The following LAMC1 variants were observed in gnomAD, a reference collection of about 807,000 sequenced individuals.
The protein encoded by LAMC1 is laminin subunit gamma 1.
In LAMC1, 38 loss-of-function variants were observed where a neutral mutation model predicts 173.6. That is an observed-to-expected ratio of 0.22 (90% CI 0.17 to 0.29). LAMC1 has a LOEUF of 0.29. LAMC1 is among the 10% of genes least tolerant of loss of function. LAMC1 has a pLI of 1.00. For missense variants in LAMC1, 1,824 were observed against 2,051.8 expected, an observed-to-expected ratio of 0.89 and a Z score of 2.14; for synonymous variants, 746 against 749.1, an observed-to-expected ratio of 1.00 and a Z score of 0.07.
chr1:183,121,224 G>T (rs1003447310), intron 11 of LAMC1, among the ~76,000 whole-genome samples: 39 of 151,234 alleles, frequency 2.6e-4, no homozygotes, highest in African/African-American at 8.7e-4. Context: ...TTCGAGACCA[G>T]CCTGGCCAAC....
intron 3 of LAMC1, among the ~76,000 whole-genome samples, chr1:183,108,866 G>A (rs1057021850): frequency 6.6e-6 from 1 of 152,204 alleles, no homozygotes; most frequent in Non-Finnish European, 1.5e-5. Flanking sequence ...TAGAAAAGAT[G>A]CCACATATCA....
At chr1:183,114,312 C>T (rs1403439699) in intron 4 of LAMC1, among the ~76,000 whole-genome samples, 1 of 152,178 alleles carries the variant, frequency 6.6e-6, no homozygotes, top group Non-Finnish European at 1.5e-5. Flanking sequence ...CTCAGGTGAT[C>T]TGCCTGCCTC....
chr1:183,123,232 A>T (rs1186147307), intron 13 of LAMC1, among the ~76,000 whole-genome samples: 1 of 152,150 alleles, frequency 6.6e-6, no homozygotes, highest in Middle Eastern at 3.2e-3. Flanking sequence ...AATCTTACTG[A>T]TGTTATCTCA....
At chr1:183,119,459 T>C (rs2102087816) in intron 11 of LAMC1, among the ~76,000 whole-genome samples, 1 of 152,318 alleles carries the variant, frequency 6.6e-6, no homozygotes. Context: ...CAATAATTTT[T>C]AAACTTGGAA....
intron 1 of LAMC1, among the ~76,000 whole-genome samples, chr1:183,052,403 G>A (rs1654453827): frequency 1.3e-5 from 2 of 151,708 alleles, no homozygotes; most frequent in Admixed American, 6.6e-5. Flanking sequence ...GCATGATCTC[G>A]GCTCAATGCA....
chr1:183,133,347 A>C, intron 21 of LAMC1, 59 bp from the exon 22 acceptor site: 1 of 1,464,816 alleles, frequency 6.8e-7, no homozygotes, highest in East Asian at 2.4e-5. Context: ...TAATCTGGTT[A>C]ACATTAAGAT....
Position 183,024,246 on chromosome 1 carries a change from C to G in LAMC1, c.418+112C>G, listed in dbSNP as rs111302764. On this transcript the variant is annotated intron_variant, in intron 1 of 27. Transcript: ENST00000258341. Reference sequence around the variant, plus strand: ...GCGCAGACGGCCGCGTGTTTGCTCTCTGTTCCCCGGCATGGGCCACACAGA... The same window carrying G: ...GCGCAGACGGCCGCGTGTTTGCTCTGTGTTCCCCGGCATGGGCCACACAGA... 0.023 allele frequency: 23,957 copies of G among 1,058,494 alleles called. 748 individuals are homozygous for G. The highest frequency in any genetic ancestry group is 0.12 in the African/African-American group (7,349 of 62,250). The allele number at this position is 1,058,494 out of a possible 1,614,324, so 65.6% of individuals were successfully genotyped here.
At chr1:183,130,605 C>G in intron 19 of LAMC1, 56 bp downstream of exon 19, 1 of 1,401,266 alleles carries the variant, frequency 7.1e-7, no homozygotes, top group Non-Finnish European at 1.0e-6. Flanking sequence ...GGGTTTGTAG[C>G]AAGTCTGTTA....
Position 183,125,246 on chromosome 1 carries a change from C to CA in LAMC1, c.2648-150dup. The CA allele has an allele frequency of 4.1e-6, 3 of 737,526 alleles. No individual in the cohort carries two copies. The South Asian group carries it at 5.1e-5, about 13-fold the overall frequency. The allele number at this position is 737,526 out of a possible 1,614,324, so 45.7% of individuals were successfully genotyped here. A position where few individuals can be genotyped will look rare whatever the true frequency, so the allele number is the denominator to read the frequency against. ...TTTATAGCACATCTCAATTCAGACT[C>CA]ACCAGCCACATTTAAAGTGCTCAGT... On this transcript the variant is annotated intron_variant, in intron 14 of 27. Transcript: ENST00000258341.
chr1:183,117,912 A>C (rs2102085636), intron 10 of LAMC1, 122 bp from the exon 11 acceptor site: 1 of 756,308 alleles, frequency 1.3e-6, no homozygotes, highest in African/African-American at 1.8e-5. Context: ...CAATAGTCTT[A>C]TTTTTTATTT....
chr1:183,133,003 C>T (rs180774920), intron 21 of LAMC1, among the ~76,000 whole-genome samples: 3,234 of 152,164 alleles, frequency 0.021, 48 homozygotes, highest in Middle Eastern at 0.041. Flanking sequence ...CTCTGCCTCC[C>T]GGGTTCAAGC....
chr1:183,122,926 A>G (rs548305756), intron 13 of LAMC1, among the ~76,000 whole-genome samples: 10 of 152,206 alleles, frequency 6.6e-5, no homozygotes, highest in African/African-American at 2.2e-4. Flanking sequence ...CCTGAGGCCC[A>G]GGGTATGGAG....
chr1:183,040,116 T>C (rs1166850050), intron 1 of LAMC1, among the ~76,000 whole-genome samples: 1 of 152,208 alleles, frequency 6.6e-6, no homozygotes, highest in East Asian at 1.9e-4. Context: ...CAACTGATGC[T>C]CTGAGTCAGC....
intron 1 of LAMC1, among the ~76,000 whole-genome samples, chr1:183,091,549 G>A (rs999381554): frequency 6.6e-6 from 1 of 151,614 alleles, no homozygotes; most frequent in Non-Finnish European, 1.5e-5. Flanking sequence ...CTGGCACTTC[G>A]TACTTAAGCC....
Position 183,142,535 on chromosome 1 carries a change from G to A in LAMC1, c.4575G>A (p.Gly1525=). ...SIINDLLEQL[G]QLDTVDLNKL... Reference sequence around the variant, plus strand: ...TCTATGTACTTTCTGACCCTCCAGGGCAGCTGGATACAGTGGACCTGAATA... The same window carrying A: ...TCTATGTACTTTCTGACCCTCCAGGACAGCTGGATACAGTGGACCTGAATA... Residue 1525 remains glycine (G), a splice_region_variant and synonymous_variant, in exon 28 of 28, where the codon GGG becomes GGA. Coordinates refer to ENST00000258341, the MANE Select transcript of LAMC1 (RefSeq NM_002293.4). 1.2e-6 allele frequency: 2 copies of A among 1,608,350 alleles called. No individual in the cohort carries two copies. Among genetic ancestry groups the A allele is most frequent in the Middle Eastern group, 1.7e-4 (1 of 6,014 alleles).
intron 15 of LAMC1, 123 bp downstream of exon 15, chr1:183,125,673 G>A: frequency 1.5e-6 from 1 of 680,410 alleles, no homozygotes; most frequent in Non-Finnish European, 2.4e-6. Flanking sequence ...TGTAGGCAAG[G>A]CATCCTTCAG....
At position 183,144,537 on chromosome 1, in the gene LAMC1, A is replaced by C. The variant is rs2102122047; in HGVS notation, c.*1747A>C. ...TAATTGCTTTCCTCCACACCCAGCC[A>C]CTGTAAAGAGGTAACTTGGGTCCTC... On this transcript the variant is annotated 3_prime_UTR_variant, in exon 28 of 28. Coordinates refer to ENST00000258341, the MANE Select transcript of LAMC1 (RefSeq NM_002293.4). 6.6e-6 allele frequency: 1 copy of C among 152,358 alleles called. No individual in the cohort carries two copies. Among genetic ancestry groups the C allele is most frequent in the East Asian group, 1.9e-4 (1 of 5,182 alleles). 9.4% of individuals were successfully genotyped at this position (152,358 alleles called of 1,614,324 possible).
intron 1 of LAMC1, among the ~76,000 whole-genome samples, chr1:183,039,307 A>T (rs1035968926): frequency 9.9e-5 from 15 of 152,146 alleles, no homozygotes. Context: ...GCAATTGTGT[A>T]CTTGAATTGC....
intron 11 of LAMC1, 69 bp downstream of exon 11, chr1:183,118,215 A>G (rs1656375687): frequency 2.2e-6 from 2 of 900,482 alleles, no homozygotes; most frequent in South Asian, 3.0e-5. Flanking sequence ...ATGATAATGC[A>G]AAAGTTTCTC....
Sources: allele counts gnomAD v4.1 joint callset (sites outside exome capture counted in the v4.1 genomes callset), GRCh38; gene constraint gnomAD v4.1.1; transcripts MANE v1.5; gene names NCBI Gene and HGNC (gene_info 2026-07-23, HGNC 2026-07-21).